Variants in CFAP44 observed in about 807,000 individuals in gnomAD.
CFAP44 encodes cilia- and flagella-associated protein 44.
Under a neutral mutation model 216.2 loss-of-function variants are expected in CFAP44, and 134 were observed. That is an observed-to-expected ratio of 0.62 (90% CI 0.54 to 0.72). The LOEUF is 0.72. Among genes scored for constraint, CFAP44 ranks in the 30% least tolerant of loss-of-function variants. The pLI is 0.00. For missense variants in CFAP44, 2,035 were observed against 2,182.1 expected, an observed-to-expected ratio of 0.93 and a Z score of 1.34; for synonymous variants, 700 against 727.6, an observed-to-expected ratio of 0.96 and a Z score of 0.61.
chr3:113,291,928 T>C (rs114954577), intron 34 of CFAP44, among the ~76,000 whole-genome samples, 180 bp from the exon 35 acceptor site: 1 of 152,330 alleles, frequency 6.6e-6, no homozygotes, highest in African/African-American at 2.4e-5. Flanking sequence ...ATGTGTGCCT[T>C]TGGGCTAATA....
chr3:113,382,410 G>A (rs1933538648), intron 15 of CFAP44, among the ~76,000 whole-genome samples: 1 of 152,154 alleles, frequency 6.6e-6, no homozygotes, highest in Admixed American at 6.5e-5. Flanking sequence ...CTAGAAGTCA[G>A]GTAAGAGCAC....
intron 6 of CFAP44, 96 bp downstream of exon 6, chr3:113,416,429 T>C (rs1374361588): frequency 3.2e-6 from 3 of 948,530 alleles, no homozygotes; most frequent in East Asian, 5.1e-5. Flanking sequence ...TAGTTCTGTT[T>C]CTCTGGAGAA....
chr3:113,377,107 T>C (rs1380514908), intron 17 of CFAP44, among the ~76,000 whole-genome samples: 1 of 152,162 alleles, frequency 6.6e-6, no homozygotes, highest in African/African-American at 2.4e-5. Flanking sequence ...TTTTTTTCTG[T>C]GAAATGTGAG....
intron 13 of CFAP44, among the ~76,000 whole-genome samples, chr3:113,398,227 A>G (rs1009044098): frequency 6.6e-6 from 1 of 152,210 alleles, no homozygotes; most frequent in African/African-American, 2.4e-5. Context: ...AATAAAGCAC[A>G]TAATCTTAGT....
In CFAP44 at chr3:113,441,115, CAGGG is replaced by C. The variant is rs1409067713; in HGVS notation, c.-6+334_-6+337del. ...GCCAAGCGTCGCACCCAGCTGAGCG[CAGGG>C]CAGGTGTCTCACTGGAGCGGGGAGC... is the stretch of plus-strand genomic sequence containing the variant. On this transcript the variant is annotated intron_variant, in intron 1 of 34. Transcript: ENST00000393845. Among the ~76,000 whole-genome samples, 77 of 152,344 alleles carry C rather than the reference CAGGG, an allele frequency of 5.1e-4. 1 individual carries two copies. The highest frequency in any genetic ancestry group is 1.6e-3 in the African/African-American group (67 of 41,580).
At chr3:113,291,881 A>G (rs1009710649) in intron 34 of CFAP44, 133 bp from the exon 35 acceptor site, 1 of 993,800 alleles carries the variant, frequency 1.0e-6, no homozygotes, top group African/African-American at 1.6e-5. Flanking sequence ...TAATCTCGGG[A>G]GCCTTCAATT....
intron 24 of CFAP44, among the ~76,000 whole-genome samples, chr3:113,341,342 A>C: frequency 6.7e-6 from 1 of 149,856 alleles, no homozygotes. Context: ...CCATATCAAT[A>C]CTGGATTTTT....
chr3:113,351,734 A>G lies in CFAP44; in HGVS notation c.3065+7011T>C, dbSNP rs140541330. Among the ~76,000 whole-genome samples, 1,301 of 139,046 alleles carry G rather than the reference A, an allele frequency of 9.4e-3. 21 individuals are homozygous for G. Among genetic ancestry groups the G allele is most frequent in the African/African-American group, 0.033 (1,245 of 37,294 alleles). 91.2% of individuals were successfully genotyped at this position (139,046 alleles called of 152,430 possible). A position where few individuals can be genotyped will look rare whatever the true frequency, so the allele number is the denominator to read the frequency against. The stretch of plus-strand genomic sequence containing the variant: ...ATACCAACCTCTGGAGTTGGGCGAC[A>G]TGGCTTCTCCCCTTTCTGGTCCCGT... On this transcript the variant is annotated intron_variant, in intron 22 of 34. Coordinates refer to ENST00000393845, the MANE Select transcript of CFAP44 (RefSeq NM_001164496.2).
Position 113,303,931 on chromosome 3 carries a change from T to A in CFAP44, c.5062A>T (p.Thr1688Ser). 1 of 1,537,772 alleles carries A rather than the reference T, an allele frequency of 6.5e-7. No individual in the cohort carries two copies. The highest frequency in any genetic ancestry group is 1.2e-5 in the South Asian group (1 of 84,050). ...KQLIREKREM[T>S]KTIHKMEETV... is the part of the protein sequence containing the mutation. ...AGATACTCACTGTGTATGGTTTTTG[T>A]CATTTCTCTCTTTTCTCGGATGAGC... The change falls in exon 32 of 35, where the codon ACA (threonine) becomes TCA (serine). Residue 1688 changes from threonine to serine, a missense_variant. Physicochemically the swap from Thr to Ser is moderately conservative, Grantham distance 58. Around this residue, in one of 3 missense-constraint regions of CFAP44, gnomAD observed 1,883 missense variants for 2,023.7 expected, o/e 0.93. Coordinates refer to ENST00000393845, the MANE Select transcript of CFAP44 (RefSeq NM_001164496.2).
chr3:113,347,773 C>A (rs1370213649), intron 22 of CFAP44, among the ~76,000 whole-genome samples: 2 of 152,188 alleles, frequency 1.3e-5, no homozygotes, highest in Non-Finnish European at 2.9e-5. Context: ...CCCAGAGATC[C>A]CTTCCCTCCC....
chr3:113,358,893 T>C lies in CFAP44; in HGVS notation c.2935-18A>G, dbSNP rs1950514320. The C allele has an allele frequency of 6.5e-7, 1 of 1,534,378 alleles. No individual in the cohort carries two copies. The highest frequency in any genetic ancestry group is 8.7e-7 in the Non-Finnish European group (1 of 1,145,438). ...TCAAAATCCTGCAGATAAGAAGATCTGTTCATCAAAATGGGTACTGTATCA... is the reference window on the plus strand; with the variant it reads ...TCAAAATCCTGCAGATAAGAAGATCCGTTCATCAAAATGGGTACTGTATCA... On this transcript the variant is annotated intron_variant, in intron 21 of 34. Transcript: ENST00000393845.
intron 22 of CFAP44, among the ~76,000 whole-genome samples, chr3:113,349,910 A>C (rs1260030278): frequency 6.6e-6 from 1 of 152,212 alleles, no homozygotes; most frequent in Non-Finnish European, 1.5e-5. Flanking sequence ...CCACCTCCTC[A>C]GTTGTAATTG....
chr3:113,382,715 G>A (rs1559930809), intron 15 of CFAP44, among the ~76,000 whole-genome samples: 1 of 152,204 alleles, frequency 6.6e-6, no homozygotes, highest in East Asian at 1.9e-4. Context: ...AAGTAGGAAG[G>A]GAGACAGCTT....
chr3:113,302,198 T>C (rs1193941425), intron 32 of CFAP44, among the ~76,000 whole-genome samples: 1 of 152,070 alleles, frequency 6.6e-6, no homozygotes, highest in Non-Finnish European at 1.5e-5. Context: ...GTTGATTCCG[T>C]GTCTTGGCAA....
intron 28 of CFAP44, among the ~76,000 whole-genome samples, chr3:113,308,591 T>C (rs553314537): frequency 6.6e-6 from 1 of 152,178 alleles, no homozygotes; most frequent in African/African-American, 2.4e-5. Flanking sequence ...TTTTTCTTTT[T>C]TTTTTCTTTT....
chr3:113,327,491 G>A (rs1406654983), intron 27 of CFAP44, 125 bp downstream of exon 27: 14 of 785,940 alleles, frequency 1.8e-5, no homozygotes, highest in Non-Finnish European at 2.5e-5. Context: ...AAGGAGGAGG[G>A]GGAAAGAAGA....
At position 113,366,161 on chromosome 3, in the gene CFAP44, C is replaced by A. The variant is rs1243500760; in HGVS notation, c.2593G>T (p.Ala865Ser). Reference sequence around the variant, plus strand: ...AAGAAACGATCATCAAAGCTATTAGCAATACTTTTAATACATCCATAATTA... The same window carrying A: ...AAGAAACGATCATCAAAGCTATTAGAAATACTTTTAATACATCCATAATTA... Reference protein sequence around the residue: ...DNNYGCIKSIANSFDDRFLVT... With the variant: ...DNNYGCIKSISNSFDDRFLVT... Residue 865 changes from alanine (A) to serine (S), a missense_variant, in exon 19 of 35, where the codon GCT (alanine) becomes TCT (serine). By Grantham distance (99) the Ala-to-Ser change is moderately conservative. Around this residue, in one of 3 missense-constraint regions of CFAP44, gnomAD observed 1,883 missense variants for 2,023.7 expected, o/e 0.93. Coordinates refer to ENST00000393845, the MANE Select transcript of CFAP44 (RefSeq NM_001164496.2). 6.2e-7 allele frequency: 1 copy of A among 1,614,028 alleles called. No individual in the cohort carries two copies. Among genetic ancestry groups the A allele is most frequent in the Admixed American group, 1.7e-5 (1 of 60,030 alleles).
intron 22 of CFAP44, among the ~76,000 whole-genome samples, chr3:113,356,079 G>C (rs1477174517): frequency 3.3e-5 from 5 of 149,422 alleles, no homozygotes; most frequent in African/African-American, 1.2e-4. Context: ...AGAAGGTAGA[G>C]GAAAGCGTAC....
intron 17 of CFAP44, among the ~76,000 whole-genome samples, chr3:113,375,382 C>T (rs948332270): frequency 6.6e-6 from 1 of 152,018 alleles, no homozygotes; most frequent in Admixed American, 6.6e-5. Flanking sequence ...GAAAAACAAA[C>T]TTTAAAATAA....
Sources: allele counts gnomAD v4.1 joint callset (sites outside exome capture counted in the v4.1 genomes callset), GRCh38; gene constraint gnomAD v4.1.1; regional missense constraint gnomAD v4.1.1; transcripts MANE v1.5; gene names NCBI Gene and HGNC (gene_info 2026-07-23, HGNC 2026-07-21).